DGLUCY: variants seen among roughly 807,000 people sequenced by gnomAD.
DGLUCY encodes the protein D-glutamate cyclase, mitochondrial.
A neutral mutation model predicts 58.5 loss-of-function variants in DGLUCY; 58 were observed. The observed-to-expected ratio is 0.99, with a 90% CI of 0.80 to 1.23. DGLUCY has a LOEUF of 1.23. Among genes scored for constraint, DGLUCY ranks in the 50% most tolerant of loss-of-function variants. The pLI is 0.00. For missense variants in DGLUCY, 779 were observed against 784.7 expected (o/e 0.99, Z 0.09); for synonymous variants, 325 against 314.1 (o/e 1.03, Z -0.37).
chr14:91,119,654 GT>G (rs1247685910), intron 1 of DGLUCY, among the ~76,000 whole-genome samples: 9 of 152,144 alleles, frequency 5.9e-5, no homozygotes, highest in African/African-American at 2.2e-4. Context: ...AATGTTGAGT[GT>G]CAACTGGATT....
intron 13 of DGLUCY, among the ~76,000 whole-genome samples, chr14:91,221,346 A>T (rs1355516154): frequency 6.6e-6 from 1 of 152,172 alleles, no homozygotes; most frequent in Non-Finnish European, 1.5e-5. Flanking sequence ...GCACTCAGGA[A>T]ATGTTGGATG....
chr14:91,160,417 T>TAAAAAAAAAAAAAAAAAAAAAAAAA lies in DGLUCY; in HGVS notation c.103+44_103+45insAAAAAAAAAAAAAAAAAAAAAAAAA. ...CTGGAGGTAAGTGGTGCCAGATAGT[T>TAAAAAAAAAAAAAAAAAAAAAAAAA]AAAAAAAAAAAAAAAAAAAAAAAAG... On this transcript the variant is annotated intron_variant, in intron 3 of 13. Transcript: ENST00000256324. 1 of 577,308 alleles carries TAAAAAAAAAAAAAAAAAAAAAAAAA rather than the reference T, an allele frequency of 1.7e-6. No individual in the cohort carries two copies. The allele number at this position is 577,308 out of a possible 1,614,324, so 35.8% of individuals were successfully genotyped here. A position where few individuals can be genotyped will look rare whatever the true frequency, so the allele number is the denominator to read the frequency against.
At chr14:91,116,861 T>C (rs1432717166) in intron 1 of DGLUCY, among the ~76,000 whole-genome samples, 1 of 151,870 alleles carries the variant, frequency 6.6e-6, no homozygotes, top group East Asian at 1.9e-4. Flanking sequence ...GGAGAATTGC[T>C]TGAACCCAGG....
chr14:91,137,397 T>C (rs571605259), intron 1 of DGLUCY, among the ~76,000 whole-genome samples: 1 of 151,982 alleles, frequency 6.6e-6, no homozygotes, highest in Non-Finnish European at 1.5e-5. Context: ...CTTTTCTTTT[T>C]TTTTTTTGAG....
At chr14:91,114,009 C>A (rs934255684), upstream of DGLUCY, 2 of 152,362 alleles carry the variant, frequency 1.3e-5, no homozygotes, top group African/African-American at 4.8e-5. Context: ...AGCTCTGCAG[C>A]TTTAAGAACT....
chr14:91,135,068 C>T (rs535185637), intron 1 of DGLUCY, among the ~76,000 whole-genome samples: 11 of 152,046 alleles, frequency 7.2e-5, no homozygotes, highest in African/African-American at 1.7e-4. Flanking sequence ...GGACTACAGC[C>T]GCACACCACC....
intron 8 of DGLUCY, among the ~76,000 whole-genome samples, chr14:91,184,654 A>C: frequency 4.6e-5 from 1 of 21,884 alleles, no homozygotes; most frequent in Non-Finnish European, 8.5e-5. Flanking sequence ...GGAGGGAGGG[A>C]GGGAAGGAGG....
intron 1 of DGLUCY, among the ~76,000 whole-genome samples, chr14:91,072,732 A>G (rs2043943798): frequency 6.6e-6 from 1 of 151,964 alleles, no homozygotes; most frequent in South Asian, 2.1e-4. Flanking sequence ...TATAAAACTA[A>G]CAGTCATTGC....
At chr14:91,138,644 A>T (rs948411953) in intron 1 of DGLUCY, among the ~76,000 whole-genome samples, 3 of 152,208 alleles carry the variant, frequency 2.0e-5, no homozygotes, top group Non-Finnish European at 4.4e-5. Context: ...ACAAGGTGGC[A>T]GGAGAGAGTG....
intron 3 of DGLUCY, among the ~76,000 whole-genome samples, chr14:91,163,214 T>G (rs1404553533): frequency 1.3e-5 from 2 of 150,862 alleles, no homozygotes; most frequent in Non-Finnish European, 3.0e-5. Flanking sequence ...GAGCCAAGAT[T>G]GCGCCACTGC....
At chr14:91,072,115 G>A (rs1028810082) in intron 1 of DGLUCY, among the ~76,000 whole-genome samples, 7 of 152,038 alleles carry the variant, frequency 4.6e-5, no homozygotes, top group African/African-American at 7.2e-5. Context: ...TTGAGCCCAC[G>A]AGTTCAAGAT....
At chr14:91,139,531 A>C (rs1222595436) in intron 1 of DGLUCY, among the ~76,000 whole-genome samples, 1 of 152,194 alleles carries the variant, frequency 6.6e-6, no homozygotes, top group Non-Finnish European at 1.5e-5. Flanking sequence ...CTAAAAATAC[A>C]AAAATGAGCT....
upstream of DGLUCY, among the ~76,000 whole-genome samples, chr14:91,106,078 C>T (rs1196625004): frequency 2.0e-5 from 3 of 152,146 alleles, no homozygotes; most frequent in Admixed American, 6.6e-5. Context: ...GAGGCTGAGG[C>T]GGATGGATCA....
chr14:91,083,381 GC>G (rs1261722605), intron 1 of DGLUCY, among the ~76,000 whole-genome samples: 1 of 152,106 alleles, frequency 6.6e-6, no homozygotes, highest in African/African-American at 2.4e-5. Flanking sequence ...AATTAGCTGG[GC>G]ATGATGGTGC....
chr14:91,160,867 C>A (rs994158365), intron 3 of DGLUCY, among the ~76,000 whole-genome samples: 2 of 152,156 alleles, frequency 1.3e-5, no homozygotes, highest in Non-Finnish European at 1.5e-5. Context: ...AAAACAGATA[C>A]CAAATTTGTC....
At chr14:91,149,231 G>A (rs1195440599) in intron 1 of DGLUCY, among the ~76,000 whole-genome samples, 1 of 148,866 alleles carries the variant, frequency 6.7e-6, no homozygotes, top group East Asian at 2.0e-4. Flanking sequence ...TGGGCAACAA[G>A]AGCGAAACTC....
chr14:91,175,640 A>C, intron 6 of DGLUCY: 1 of 288,070 alleles, frequency 3.5e-6, no homozygotes, highest in Non-Finnish European at 7.0e-6. Flanking sequence ...TTTGGTAGCA[A>C]TCTGCACAAT....
chr14:91,222,910 A>G (rs1027685577), intron 13 of DGLUCY, among the ~76,000 whole-genome samples: 1 of 152,212 alleles, frequency 6.6e-6, no homozygotes, highest in Non-Finnish European at 1.5e-5. Context: ...TTCCTGGCTT[A>G]CAGATGGCCG....
At chr14:91,154,327 C>T (rs1275374614) in intron 1 of DGLUCY, among the ~76,000 whole-genome samples, 1 of 152,132 alleles carries the variant, frequency 6.6e-6, no homozygotes, top group East Asian at 1.9e-4. Flanking sequence ...GTCACTTATG[C>T]CTTAGTCTGG....
Sources: allele counts gnomAD v4.1 joint callset (sites outside exome capture counted in the v4.1 genomes callset), GRCh38; gene constraint gnomAD v4.1.1; transcripts MANE v1.5; gene names NCBI Gene and HGNC (gene_info 2026-07-23, HGNC 2026-07-21).